The following ATP13A4 variants were observed in gnomAD, a reference collection of about 807,000 sequenced individuals.
The protein encoded by ATP13A4 is ATPase 13A4, also known as probable cation-transporting ATPase 13A4.
In ATP13A4, 114 loss-of-function variants were observed where a neutral mutation model predicts 142.5. The observed-to-expected ratio is 0.80, with a 90% CI of 0.69 to 0.93. ATP13A4 has a LOEUF of 0.93. Among genes scored for constraint, ATP13A4 ranks in the 40% least tolerant of loss-of-function variants. The pLI is 0.00. For synonymous variants in ATP13A4, 488 were observed against 514.8 expected (o/e 0.95, Z 0.70); for missense variants, 1,392 against 1,454.0 (o/e 0.96, Z 0.69).
chr3:193,502,257 G>T (rs1265284248), intron 3 of ATP13A4, among the ~76,000 whole-genome samples: 1 of 152,170 alleles, frequency 6.6e-6, no homozygotes, highest in Non-Finnish European at 1.5e-5. Context: ...ATTAGAAATA[G>T]ACATTATTAT....
Position 193,414,699 on chromosome 3 carries a change from C to CGTCCT in ATP13A4, c.2889_2893dup (p.Arg965GlnfsTer4), listed in dbSNP as rs757542003. The CGTCCT allele has an allele frequency of 6.2e-7, 1 of 1,614,054 alleles. No individual in the cohort carries two copies. Among genetic ancestry groups the CGTCCT allele is most frequent in the Non-Finnish European group, 8.5e-7 (1 of 1,180,000 alleles). The stretch of plus-strand genomic sequence containing the variant: ...GAGTAGCAGAGGTGGAGAGATCAGC[C>CGTCCT]GTCCTGCAGGTCTGAAAGGCACCAG... On this transcript the variant is annotated frameshift_variant, in exon 26 of 30. Transcript: ENST00000342695. LOFTEE classifies it high-confidence loss of function.
intron 1 of ATP13A4, among the ~76,000 whole-genome samples, chr3:193,517,329 G>A (rs1339782561): frequency 6.6e-6 from 1 of 152,172 alleles, no homozygotes; most frequent in South Asian, 2.1e-4. Context: ...ATTAAACAAG[G>A]TTAGAGCAAT....
intron 3 of ATP13A4, among the ~76,000 whole-genome samples, chr3:193,496,764 C>G (rs1318559693): frequency 6.6e-6 from 1 of 151,816 alleles, no homozygotes; most frequent in East Asian, 1.9e-4. Flanking sequence ...GCACCCCAGC[C>G]TGGGAGACAG....
intron 25 of ATP13A4, 66 bp from the exon 26 acceptor site, chr3:193,414,816 G>A (rs1472633810): frequency 6.0e-6 from 9 of 1,501,378 alleles, no homozygotes; most frequent in African/African-American, 1.4e-5. Context: ...CAGAAGAATG[G>A]CATAAGTTCA....
intron 1 of ATP13A4, among the ~76,000 whole-genome samples, chr3:193,552,225 G>A (rs1013151151): frequency 9.2e-5 from 14 of 152,154 alleles, no homozygotes; most frequent in Admixed American, 2.6e-4. Context: ...GCCCGCCTCG[G>A]CCTCCCAAAG....
intron 3 of ATP13A4, among the ~76,000 whole-genome samples, chr3:193,496,127 A>G (rs937070990): frequency 3.3e-4 from 50 of 152,236 alleles, no homozygotes; most frequent in Non-Finnish European, 3.8e-4. Flanking sequence ...AACTAATCTT[A>G]TTAACAATGC....
At chr3:193,524,886 C>CAGTCTAAAATAG (rs1324785347) in intron 1 of ATP13A4, among the ~76,000 whole-genome samples, 1 of 152,150 alleles carries the variant, frequency 6.6e-6, no homozygotes, top group Admixed American at 6.5e-5. Context: ...TCAGATCTCA[C>CAGTCTAAAATAG]CTCCCTGACC....
chr3:193,445,605 A>C (rs992252820), intron 18 of ATP13A4, among the ~76,000 whole-genome samples: 10 of 151,032 alleles, frequency 6.6e-5, no homozygotes, highest in African/African-American at 2.4e-4. Context: ...AAAAATACAA[A>C]AATTAGCTGG....
chr3:193,489,813 T>A lies in ATP13A4; in HGVS notation c.655A>T (p.Ser219Cys). The A allele has an allele frequency of 6.2e-7, 1 of 1,611,890 alleles. No individual in the cohort carries two copies. Among genetic ancestry groups the A allele is most frequent in the Non-Finnish European group, 8.5e-7 (1 of 1,178,048 alleles). Residue 219 changes from serine (S) to cysteine (C), a missense_variant, in exon 7 of 30, where the codon AGT (serine) becomes TGT (cysteine). Ser to Cys is a moderately radical substitution (Grantham distance 112). Transcript: ENST00000342695. ...FQLFSVCLWF[S>C]EDYKEYAFAI... The stretch of plus-strand genomic sequence containing the variant: ...AAAGCATATTCCTTATAGTCTTCAC[T>A]AAACCACAAACAGACACTGAAGAGT...
chr3:193,556,534 T>G (rs1723897123), upstream of ATP13A4, among the ~76,000 whole-genome samples: 1 of 152,034 alleles, frequency 6.6e-6, no homozygotes, highest in African/African-American at 2.4e-5. Flanking sequence ...GTTCTCTTGG[T>G]TTCAAAAATT....
chr3:193,450,701 T>C (rs1490749521), intron 17 of ATP13A4, among the ~76,000 whole-genome samples: 3 of 152,204 alleles, frequency 2.0e-5, no homozygotes, highest in African/African-American at 7.2e-5. Flanking sequence ...TGAACCTCTA[T>C]GGCAGACGCA....
Position 193,435,702 on chromosome 3 carries a change from C to T in ATP13A4, c.2715G>A (p.Lys905=), listed in dbSNP as rs1716228138. 1.2e-6 allele frequency: 2 copies of T among 1,614,052 alleles called. No homozygotes were observed. The highest frequency in any genetic ancestry group is 8.5e-7 in the Non-Finnish European group (1 of 1,179,982). ...GAATCATGCTGTACAGAGCCATGTA[C>T]TTAAACATGCAAAAGGAGGTAACGA... The part of the protein sequence containing the change: ...AALVTSFCMF[K]YMALYSMIQY... Residue 905 remains lysine (K), a synonymous_variant, in exon 24 of 30, where the codon AAG becomes AAA. Transcript: ENST00000342695.
chr3:193,452,869 A>G (rs1717364537), intron 17 of ATP13A4, among the ~76,000 whole-genome samples: 1 of 151,698 alleles, frequency 6.6e-6, no homozygotes, highest in South Asian at 2.1e-4. Context: ...ATATAAACAC[A>G]AAGTATTTTT....
At chr3:193,566,330 T>A (rs1029043188) in intron 2 of ATP13A4, among the ~76,000 whole-genome samples, 1 of 152,134 alleles carries the variant, frequency 6.6e-6, no homozygotes, top group Admixed American at 6.6e-5. Flanking sequence ...ATAGAACAGA[T>A]GGTCTCCAGC....
intron 2 of ATP13A4, among the ~76,000 whole-genome samples, chr3:193,505,437 C>T (rs1467132574): frequency 6.6e-6 from 1 of 152,140 alleles, no homozygotes; most frequent in Non-Finnish European, 1.5e-5. Context: ...TTCATCTATA[C>T]ACCTATCTCT....
intron 25 of ATP13A4, among the ~76,000 whole-genome samples, chr3:193,418,407 C>G (rs73198942): frequency 0.1 from 14,990 of 149,066 alleles, 1,337 homozygotes; most frequent in Middle Eastern, 0.15. Context: ...CAAAGACAAC[C>G]AAAACAACAC....
intron 25 of ATP13A4, among the ~76,000 whole-genome samples, chr3:193,426,298 A>T (rs1715663443): frequency 6.6e-6 from 1 of 151,810 alleles, no homozygotes; most frequent in African/African-American, 2.4e-5. Flanking sequence ...AACTTAACCA[A>T]GAAAGAGAAA....
chr3:193,508,086 A>G (rs1395691417), intron 2 of ATP13A4, among the ~76,000 whole-genome samples: 1 of 152,214 alleles, frequency 6.6e-6, no homozygotes, highest in Non-Finnish European at 1.5e-5. Context: ...GTGCAAGAGC[A>G]CAGAGAAAAG....
At chr3:193,418,540 C>A (rs1424158809) in intron 25 of ATP13A4, among the ~76,000 whole-genome samples, 1 of 149,456 alleles carries the variant, frequency 6.7e-6, no homozygotes, top group Non-Finnish European at 1.5e-5. Context: ...ACTCCACATC[C>A]CAGGAAATAT....
Sources: gnomAD v4.1 joint callset for allele counts (sites outside exome capture counted in the v4.1 genomes callset) on GRCh38, gnomAD v4.1.1 for gene constraint, MANE v1.5 for transcripts, NCBI Gene and HGNC (gene_info 2026-07-23, HGNC 2026-07-21) for gene names.